Variants in IRAK4 observed in about 807,000 individuals in gnomAD.
IRAK4 encodes the protein interleukin 1 receptor associated kinase 4, also known as interleukin-1 receptor-associated kinase 4.
A neutral mutation model predicts 51.8 loss-of-function variants in IRAK4; 44 were observed. The ratio of observed to expected loss-of-function variants is 0.85; its 90% confidence interval spans 0.67 to 1.09. IRAK4 has a LOEUF of 1.09. Ranked by LOEUF, IRAK4 falls within the 50% of genes least tolerant of loss-of-function variation. The probability of loss-of-function intolerance (pLI) is 0.00; values close to 1 mark genes in which losing one functional copy is unlikely to be tolerated. For synonymous variants in IRAK4, 149 were observed against 174.1 expected (o/e 0.86, Z 1.13); for missense variants, 487 against 538.0 (o/e 0.91, Z 0.94).
chr12:43,765,341 C>G (rs1940014172), intron 1 of IRAK4, among the ~76,000 whole-genome samples: 1 of 152,172 alleles, frequency 6.6e-6, no homozygotes, highest in Non-Finnish European at 1.5e-5. Context: ...TCTGCCGCAG[C>G]AGGCTTCATC....
chr12:43,784,074 GA>G (rs869119293), intron 10 of IRAK4, among the ~76,000 whole-genome samples: 117 of 151,182 alleles, frequency 7.7e-4, no homozygotes, highest in South Asian at 2.5e-3. Flanking sequence ...TCAGAGGGGG[GA>G]AAAAAAAGGC....
intron 1 of IRAK4, among the ~76,000 whole-genome samples, chr12:43,759,872 G>GAAAAAA (rs1160443880): frequency 1.3e-5 from 1 of 76,534 alleles, no homozygotes; most frequent in Admixed American, 1.5e-4. Flanking sequence ...CGTCTCAAAA[G>GAAAAAA]AAAAAAAAAA....
chr12:43,773,833 T>C, intron 5 of IRAK4, 132 bp from the exon 6 acceptor site: 1 of 672,190 alleles, frequency 1.5e-6, no homozygotes. Context: ...ATCTCAGTTA[T>C]TCTGTAGAAT....
chr12:43,767,219 G>A lies in IRAK4; in HGVS notation c.-9-884G>A, dbSNP rs984306766. Among the ~76,000 whole-genome samples the A allele has an allele frequency of 2.0e-4, 30 of 152,102 alleles. 1 individual carries two copies. Among genetic ancestry groups the A allele is most frequent in the African/African-American group, 7.0e-4 (29 of 41,428 alleles). On this transcript the variant is annotated intron_variant, in intron 1 of 11. Transcript: ENST00000613694. The stretch of plus-strand genomic sequence containing the variant: ...ATTTCCTATTGAGAATGAGGGACAC[G>A]CAGAACAAATAAAATCCACATAGAA...
At chr12:43,767,239 A>G (rs530934952) in intron 1 of IRAK4, among the ~76,000 whole-genome samples, 1 of 152,218 alleles carries the variant, frequency 6.6e-6, no homozygotes. Flanking sequence ...TAAAATCCAC[A>G]TAGAAAGAAG....
At position 43,786,512 on chromosome 12, in the gene IRAK4, T is replaced by G; in HGVS notation, c.1302T>G (p.Ser434Arg). ...TTGAAGCTATGTACTCTGTTGCTAGTCAATGTCTGCATGAAAAGAAAAATA... is the reference window on the plus strand; with the variant it reads ...TTGAAGCTATGTACTCTGTTGCTAGGCAATGTCTGCATGAAAAGAAAAATA... ...TSVEAMYSVA[S>R]QCLHEKKNKR... Residue 434 changes from serine (S) to arginine (R), a missense_variant, in exon 11 of 12, where the codon AGT (serine) becomes AGG (arginine). Physicochemically the swap from Ser to Arg is moderately radical, Grantham distance 110 (BLOSUM62 -1). Transcript: ENST00000613694. 2 of 1,613,548 alleles carry G rather than the reference T, an allele frequency of 1.2e-6. No individual in the cohort carries two copies. Among genetic ancestry groups the G allele is most frequent in the Non-Finnish European group, 1.7e-6 (2 of 1,179,824 alleles).
chr12:43,782,235 T>C (rs1343042208), intron 8 of IRAK4, 72 bp from the exon 9 acceptor site: 1 of 917,186 alleles, frequency 1.1e-6, no homozygotes, highest in Admixed American at 1.9e-5. Context: ...TACGTACATC[T>C]AGCTAAGGAA....
intron 1 of IRAK4, among the ~76,000 whole-genome samples, chr12:43,767,771 T>A (rs113257970): frequency 6.6e-6 from 1 of 152,186 alleles, no homozygotes; most frequent in Non-Finnish European, 1.5e-5. Flanking sequence ...TCTGATAGTT[T>A]GTTGATATTA....
Position 43,771,377 on chromosome 12 carries a change from G to T in IRAK4, c.307+12G>T, listed in dbSNP as rs77242315. 2 of 1,613,752 alleles carry T rather than the reference G, an allele frequency of 1.2e-6. No individual in the cohort carries two copies. The highest frequency in any genetic ancestry group is 4.5e-5 in the East Asian group (2 of 44,868). On this transcript the variant is annotated intron_variant, in intron 3 of 11. Transcript: ENST00000613694. ...TCTTTTGCTCCCAGGTAAACTGATTGTGACCAGGGTGTCCACAATTAGGGT... is the reference window on the plus strand; with the variant it reads ...TCTTTTGCTCCCAGGTAAACTGATTTTGACCAGGGTGTCCACAATTAGGGT...
rs144627603 is a variant in IRAK4 at position 43,779,816 on chromosome 12, T to A, written c.941+1514T>A. ...TGCTTTTAAGATGTAGTAGTAGAGA[T>A]GGTAGACAGTGTGATATACAGATTT... On this transcript the variant is annotated intron_variant, in intron 8 of 11. Coordinates refer to ENST00000613694, the MANE Select transcript of IRAK4 (RefSeq NM_016123.4). Among the ~76,000 whole-genome samples, 736 of 152,292 alleles carry A rather than the reference T, an allele frequency of 4.8e-3. 7 individuals carry two copies. The highest frequency in any genetic ancestry group is 0.017 in the African/African-American group (686 of 41,550).
At chr12:43,771,813 C>T (rs1425752540) in intron 3 of IRAK4, among the ~76,000 whole-genome samples, 1 of 152,116 alleles carries the variant, frequency 6.6e-6, no homozygotes, top group Non-Finnish European at 1.5e-5. Context: ...CAGTGGTTCT[C>T]AACCTTTATC....
At chr12:43,768,779 T>C (rs1258915274) in intron 2 of IRAK4, among the ~76,000 whole-genome samples, 2 of 152,246 alleles carry the variant, frequency 1.3e-5, no homozygotes, top group African/African-American at 4.8e-5. Context: ...TTCTCAGTGC[T>C]GTCTTCAGAT....
At chr12:43,778,839 G>T (rs897554476) in intron 8 of IRAK4, among the ~76,000 whole-genome samples, 1 of 152,010 alleles carries the variant, frequency 6.6e-6, no homozygotes, top group African/African-American at 2.4e-5. Context: ...GGGTTTCCAA[G>T]AAAGTGACAT....
chr12:43,760,640 A>G (rs1296869227), intron 1 of IRAK4, among the ~76,000 whole-genome samples: 4 of 152,162 alleles, frequency 2.6e-5, no homozygotes, highest in African/African-American at 4.8e-5. Context: ...TTTTGTCCAC[A>G]AACTTTTCCC....
At chr12:43,780,235 G>A (rs4251578) in intron 8 of IRAK4, among the ~76,000 whole-genome samples, 41 of 152,252 alleles carry the variant, frequency 2.7e-4, no homozygotes, top group Non-Finnish European at 3.4e-4. Flanking sequence ...GAGAGTGAGA[G>A]CTAGAGAACT....
intron 2 of IRAK4, among the ~76,000 whole-genome samples, chr12:43,770,366 G>T (rs4251465): frequency 0.23 from 35,198 of 151,948 alleles, 6,491 homozygotes; most frequent in African/African-American, 0.52. Context: ...AAGTAATATT[G>T]CTAGTAGATT....
chr12:43,767,771 T>G (rs113257970), intron 1 of IRAK4, among the ~76,000 whole-genome samples: 18 of 152,304 alleles, frequency 1.2e-4, no homozygotes, highest in African/African-American at 2.4e-4. Flanking sequence ...TCTGATAGTT[T>G]GTTGATATTA....
rs543426658 is a variant in IRAK4 at position 43,788,411 on chromosome 12, A to G, written c.*1696A>G. On this transcript the variant is annotated 3_prime_UTR_variant, in exon 12 of 12. Transcript: ENST00000613694. ...AGCTTGGAAAAGCCACAGGCACTCA[A>G]CTTCAACCATGAGGGAAGCCACGCA... 1.3e-5 allele frequency: 2 copies of G among 152,256 alleles called. No individual in the cohort carries two copies. Among genetic ancestry groups the G allele is most frequent in the Non-Finnish European group, 2.9e-5 (2 of 68,106 alleles). 9.4% of individuals were successfully genotyped at this position (152,256 alleles called of 1,614,324 possible). A position where few individuals can be genotyped will look rare whatever the true frequency, so the allele number is the denominator to read the frequency against.
intron 10 of IRAK4, among the ~76,000 whole-genome samples, chr12:43,784,516 C>T (rs1273278069): frequency 6.6e-6 from 1 of 152,190 alleles, no homozygotes; most frequent in African/African-American, 2.4e-5. Flanking sequence ...ATGACCTCCT[C>T]TGTGGGTATG....
Sources: gnomAD v4.1 joint callset for allele counts (sites outside exome capture counted in the v4.1 genomes callset) on GRCh38, gnomAD v4.1.1 for gene constraint, MANE v1.5 for transcripts, NCBI Gene and HGNC (gene_info 2026-07-23, HGNC 2026-07-21) for gene names.